The following HSPA12A variants were observed in gnomAD, a reference collection of about 807,000 sequenced individuals.
HSPA12A encodes the protein heat shock protein family A (Hsp70) member 12A, also known as heat shock 70 kDa protein 12A.
A neutral mutation model predicts 69.2 loss-of-function variants in HSPA12A; 28 were observed. The ratio of observed to expected loss-of-function variants is 0.40; its 90% CI spans 0.30 to 0.55. The LOEUF is 0.55. HSPA12A is among the 20% of genes least tolerant of loss of function. The pLI is 0.38. For missense variants in HSPA12A, 686 were observed against 900.7 expected (o/e 0.76, Z 3.05); for synonymous variants, 345 against 370.5 (o/e 0.93, Z 0.79).
chr10:116,828,677 G>A (rs1299741770), intron 2 of HSPA12A: 1 of 152,326 alleles, frequency 6.6e-6, no homozygotes, highest in African/African-American at 2.4e-5. Context: ...GGTGACAGCG[G>A]AGCATTAAAC....
intron 2 of HSPA12A, among the ~76,000 whole-genome samples, chr10:116,785,749 C>T (rs751451662): frequency 3.0e-4 from 45 of 152,202 alleles, no homozygotes; most frequent in Non-Finnish European, 5.3e-4. Context: ...CACCCCCTCC[C>T]TCCCAGGGAA....
At chr10:116,787,994 G>A (rs1230053086) in intron 2 of HSPA12A, among the ~76,000 whole-genome samples, 1 of 152,166 alleles carries the variant, frequency 6.6e-6, no homozygotes, top group African/African-American at 2.4e-5. Flanking sequence ...GGGCTTCCAG[G>A]ACGGCAGGGC....
At chr10:116,817,644 G>A (rs2133192986) in intron 2 of HSPA12A, among the ~76,000 whole-genome samples, 1 of 152,216 alleles carries the variant, frequency 6.6e-6, no homozygotes, top group East Asian at 1.9e-4. Context: ...AAGAGAAGTG[G>A]AGAATCGCGG....
intron 2 of HSPA12A, chr10:116,829,306 C>T (rs565340063): frequency 6.5e-6 from 1 of 153,410 alleles, no homozygotes; most frequent in South Asian, 2.1e-4. Context: ...TGAGGCCTCC[C>T]CAGCCATGTG....
chr10:116,848,337 G>T (rs1356238888), intron 1 of HSPA12A, among the ~76,000 whole-genome samples: 1 of 152,232 alleles, frequency 6.6e-6, no homozygotes, highest in Non-Finnish European at 1.5e-5. Context: ...GTCTGGGTTT[G>T]TGTAACAGTA....
rs10787716 is a variant in HSPA12A at position 116,700,064 on chromosome 10, C to T, written c.441+879G>A. ...CGTATTTTGATTCCTTTAATCCCTA[C>T]AAAATCCCCATGAGGAAGGCACTGC... On this transcript the variant is annotated intron_variant, in intron 4 of 11. Coordinates refer to ENST00000369209, the MANE Select transcript of HSPA12A (RefSeq NM_025015.3). 9.2e-4 allele frequency among the ~76,000 whole-genome samples: 140 copies of T among 152,034 alleles called. 2 individuals carry two copies. The South Asian group carries it at 0.027, about 29-fold the overall frequency.
chr10:116,839,971 A>C (rs1230294807), intron 1 of HSPA12A, among the ~76,000 whole-genome samples: 4 of 151,772 alleles, frequency 2.6e-5, no homozygotes, highest in Admixed American at 2.0e-4. Context: ...GCATGCCCCT[A>C]GTGAATTGGG....
chr10:116,709,651 T>A (rs530934597), intron 1 of HSPA12A, among the ~76,000 whole-genome samples: 31 of 152,078 alleles, frequency 2.0e-4, no homozygotes, highest in Non-Finnish European at 3.8e-4. Context: ...AATAGGCAAA[T>A]TCACAGAGAC....
chr10:116,676,317 G>A, intron 11 of HSPA12A, 82 bp downstream of exon 11: 1 of 1,168,808 alleles, frequency 8.6e-7, no homozygotes, highest in Non-Finnish European at 1.3e-6. Context: ...TGACTCCACA[G>A]GCACCAGCTG....
chr10:116,719,941 C>T (rs1405602216), intron 1 of HSPA12A, among the ~76,000 whole-genome samples: 1 of 152,156 alleles, frequency 6.6e-6, no homozygotes, highest in Admixed American at 6.5e-5. Flanking sequence ...TGGCAGCTTG[C>T]AGCAAAGAGC....
intron 9 of HSPA12A, 108 bp downstream of exon 9, chr10:116,681,042 CAT>C (rs1250109756): frequency 4.7e-5 from 34 of 728,162 alleles, no homozygotes; most frequent in Admixed American, 4.6e-4. Flanking sequence ...TACGATCCCA[CAT>C]GTTAGTGGCA....
At chr10:116,718,066 G>A (rs1349937883) in intron 1 of HSPA12A, among the ~76,000 whole-genome samples, 1 of 152,134 alleles carries the variant, frequency 6.6e-6, no homozygotes, top group African/African-American at 2.4e-5. Context: ...AAACTCACTG[G>A]GTCACTGTCA....
chr10:116,742,617 A>C (rs1277239675), upstream of HSPA12A: 237 of 1,067,194 alleles, frequency 2.2e-4, 1 homozygote, highest in Non-Finnish European at 2.6e-4. Flanking sequence ...CGCCGCAGCC[A>C]CGGCTCCTCC....
rs113211021 is a variant in HSPA12A, at chr10:116,822,322, G to A, written c.91+12613C>T. Among the ~76,000 whole-genome samples, 1,456 of 152,330 alleles carry A rather than the reference G, an allele frequency of 9.6e-3. 17 individuals carry two copies. Among genetic ancestry groups the A allele is most frequent in the African/African-American group, 0.033 (1,353 of 41,572 alleles). On this transcript the variant is annotated intron_variant, in intron 2 of 12. Transcript: ENST00000635765. ...GTGATCCTCAGCTTCTCCATCTGAG[G>A]TTAATTCTCTCATGATAAGAGAACA... is the stretch of plus-strand genomic sequence containing the variant.
At chr10:116,797,057 T>A (rs1844842729) in intron 2 of HSPA12A, among the ~76,000 whole-genome samples, 1 of 152,156 alleles carries the variant, frequency 6.6e-6, no homozygotes, top group South Asian at 2.1e-4. Flanking sequence ...CCCACCAGGA[T>A]GTGATGCATT....
At chr10:116,698,283 CTTTCATTTCTCTTAGGGA>C (rs1310700282) in intron 5 of HSPA12A, 29 of 199,664 alleles carry the variant, frequency 1.5e-4, no homozygotes, top group South Asian at 1.4e-3. Flanking sequence ...TGGACATCTT[CTTTCATTTCTCTTAGGGA>C]TTTCATTTCT....
chr10:116,849,385 G>C (rs1356132908), intron 1 of HSPA12A: 3 of 766,558 alleles, frequency 3.9e-6, no homozygotes, highest in Non-Finnish European at 5.5e-6. Context: ...AGAAAAGACA[G>C]AGCAGCGAGC....
chr10:116,688,733 C>A (rs1554879775), intron 6 of HSPA12A, among the ~76,000 whole-genome samples: 1 of 152,238 alleles, frequency 6.6e-6, no homozygotes, highest in Non-Finnish European at 1.5e-5. Context: ...GCTGCGTCTC[C>A]ATGTTAGATG....
intron 2 of HSPA12A, among the ~76,000 whole-genome samples, chr10:116,761,226 CT>C (rs1441578698): frequency 3.3e-5 from 5 of 152,112 alleles, no homozygotes; most frequent in African/African-American, 1.2e-4. Context: ...TGGCTCATGC[CT>C]GTAATCCCAG....
Sources: gnomAD v4.1 joint callset for allele counts (sites outside exome capture counted in the v4.1 genomes callset) on GRCh38, gnomAD v4.1.1 for gene constraint, MANE v1.5 for transcripts, NCBI Gene and HGNC (gene_info 2026-07-23, HGNC 2026-07-21) for gene names.